The following ZNF749 variants were observed in gnomAD, a reference collection of about 807,000 sequenced individuals.
ZNF749 encodes the protein zinc finger protein 749.
A neutral mutation model predicts 7.3 loss-of-function variants in ZNF749; 8 were observed. The observed-to-expected ratio is 1.10, with a 90% CI of 0.64 to 1.98. The LOEUF (loss-of-function observed/expected upper bound fraction) is 1.98, where lower values mean the gene tolerates loss of function less well. ZNF749 is among the 30% of genes most tolerant of loss of function. The pLI, the probability that ZNF749 is intolerant of heterozygous loss-of-function variation, is 0.00. For missense variants in ZNF749, 898 were observed against 932.4 expected (o/e 0.96, Z 0.48); for synonymous variants, 310 against 322.4 (o/e 0.96, Z 0.41).
At position 57,445,165 on chromosome 19, in the gene ZNF749, T is replaced by C; in HGVS notation, c.2017T>C (p.Cys673Arg). 2 of 1,614,122 alleles carry C rather than the reference T, an allele frequency of 1.2e-6. No homozygotes were observed. The highest frequency in any genetic ancestry group is 1.7e-6 in the Non-Finnish European group (2 of 1,180,010). The change falls in exon 3 of 3, where the codon TGT (cysteine) becomes CGT (arginine). Residue 673 changes from cysteine to arginine, a missense_variant. Cys to Arg is a radical substitution (Grantham distance 180, BLOSUM62 -3). Transcript: ENST00000334181. The part of the protein sequence containing the change: ...TGEKPYECSN[C>R]GKFLRYRSTF... ...AGAAAAGCCTTATGAATGCAGCAACTGTGGGAAGTTTCTTAGATACCGCTC... is the reference window on the plus strand; with the variant it reads ...AGAAAAGCCTTATGAATGCAGCAACCGTGGGAAGTTTCTTAGATACCGCTC...
chr19:57,433,826 C>T (rs1211684805), upstream of ZNF749, among the ~76,000 whole-genome samples: 1 of 151,964 alleles, frequency 6.6e-6, no homozygotes, highest in Non-Finnish European at 1.5e-5. Context: ...GTATTGCCAC[C>T]ACCTGATGGC....
At chr19:57,432,949 A>G (rs527727489), upstream of ZNF749, among the ~76,000 whole-genome samples, 4 of 152,360 alleles carry the variant, frequency 2.6e-5, no homozygotes, top group East Asian at 7.7e-4. Flanking sequence ...CCAAATGAGA[A>G]CAAACATAGC....
At chr19:57,441,186 C>T (rs1357621502) in intron 1 of ZNF749, among the ~76,000 whole-genome samples, 1 of 150,662 alleles carries the variant, frequency 6.6e-6, no homozygotes, top group Non-Finnish European at 1.5e-5. Flanking sequence ...TTTGCTTTCT[C>T]CCCACCCATC....
the ZNF749 span, among the ~76,000 whole-genome samples, chr19:57,429,897 T>C: frequency 4.6e-5 from 7 of 152,366 alleles, no homozygotes; most frequent in Admixed American, 2.0e-4. The surrounding 1 kb of genome is among the most constrained non-coding windows in gnomAD (Gnocchi z 4.2). Context: ...CTTCTGTTTC[T>C]TTTAATTGTA....
At chr19:57,429,997 T>C in the ZNF749 span, among the ~76,000 whole-genome samples, 5 of 152,188 alleles carry the variant, frequency 3.3e-5, no homozygotes, top group Non-Finnish European at 5.9e-5. This position sits in a 1 kb window ranked among gnomAD's most constrained non-coding sequence, Gnocchi z 4.2. Flanking sequence ...TTTTGACCTA[T>C]AGTTTTATTG....
At position 57,442,772 on chromosome 19, in the gene ZNF749, A is replaced by G. The variant is rs1213297763; in HGVS notation, c.143-519A>G. On this transcript the variant is annotated intron_variant, in intron 2 of 2. Coordinates refer to ENST00000334181, the MANE Select transcript of ZNF749 (RefSeq NM_001023561.4). This position sits in a 1 kb window ranked among gnomAD's most constrained non-coding sequence, Gnocchi z 6.6. ...GATGCAGGGCCACTGGCCACTCGTC[A>G]CTCTTCCTTTCCTTCCCTGTTGTTA... 2.0e-5 allele frequency among the ~76,000 whole-genome samples: 3 copies of G among 150,936 alleles called. No individual in the cohort carries two copies. The highest frequency in any genetic ancestry group is 7.3e-5 in the African/African-American group (3 of 40,990).
At position 57,444,167 on chromosome 19, in the gene ZNF749, A is replaced by C; in HGVS notation, c.1019A>C (p.Lys340Thr). Residue 340 changes from lysine to threonine, a missense_variant, in exon 3 of 3, where the codon AAA (lysine) becomes ACA (threonine). By Grantham distance (78) the Lys-to-Thr change is moderately conservative. Coordinates refer to ENST00000334181, the MANE Select transcript of ZNF749 (RefSeq NM_001023561.4). The part of the protein sequence containing the change: ...KCGKFFMYNS[K>T]LIRHQKVHTG... The stretch of plus-strand genomic sequence containing the variant: ...GGGAAGTTTTTTATGTATAACTCCA[A>C]ACTCATCAGACATCAGAAAGTTCAC... 1 of 1,613,978 alleles carries C rather than the reference A, an allele frequency of 6.2e-7. No individual in the cohort carries two copies. The highest frequency in any genetic ancestry group is 8.5e-7 in the Non-Finnish European group (1 of 1,179,994).
Position 57,445,063 on chromosome 19 carries a change from C to T in ZNF749, c.1915C>T (p.Pro639Ser), listed in dbSNP as rs2089045981. 3.1e-6 allele frequency: 5 copies of T among 1,613,826 alleles called. No individual in the cohort carries two copies. The highest frequency in any genetic ancestry group is 2.2e-5 in the East Asian group (1 of 44,886). The change falls in exon 3 of 3, where the codon CCT (proline) becomes TCT (serine). Residue 639 changes from proline (P) to serine (S), a missense_variant. Coordinates refer to ENST00000334181, the MANE Select transcript of ZNF749 (RefSeq NM_001023561.4). ...RHQKVHTGER[P>S]YECSECGKFF... ...TCAGAAAGTTCACACTGGAGAAAGA[C>T]CTTATGAGTGTAGTGAATGTGGGAA...
chr19:57,440,898 C>T (rs369238193), intron 1 of ZNF749, among the ~76,000 whole-genome samples: 13 of 151,982 alleles, frequency 8.6e-5, no homozygotes, highest in East Asian at 7.7e-4. Context: ...GAGACCAAGG[C>T]AGGTGGATCA....
At position 57,441,914 on chromosome 19, in the gene ZNF749, A is replaced by G. The variant is rs764989257; in HGVS notation, c.45A>G (p.Ile15Met). ...GTATGGTCTTTGAGGATGTGGCCAT[A>G]TATTTCTCCCAAGAGGAATGGGGGA... ...EDCMVFEDVA[I>M]YFSQEEWGIL... Residue 15 changes from isoleucine (I) to methionine (M), a missense_variant, in exon 2 of 3, where the codon ATA becomes ATG. Ile to Met is a conservative substitution (Grantham distance 10). Coordinates refer to ENST00000334181, the MANE Select transcript of ZNF749 (RefSeq NM_001023561.4). The G allele has an allele frequency of 1.1e-5, 17 of 1,614,198 alleles. No individual in the cohort carries two copies. The highest frequency in any genetic ancestry group is 5.0e-5 in the Admixed American group (3 of 60,024).
Position 57,443,732 on chromosome 19 carries a change from A to G in ZNF749, c.584A>G (p.Asp195Gly), listed in dbSNP as rs200456309. The G allele has an allele frequency of 6.2e-7, 1 of 1,614,136 alleles. No individual in the cohort carries two copies. Among genetic ancestry groups the G allele is most frequent in the African/African-American group, 1.3e-5 (1 of 75,034 alleles). The change falls in exon 3 of 3, where the codon GAT (aspartate) becomes GGT (glycine). Residue 195 changes from aspartate (D) to glycine (G), a missense_variant. Coordinates refer to ENST00000334181, the MANE Select transcript of ZNF749 (RefSeq NM_001023561.4). ...GAAGCCTTTCAAGGTGAACAGAATG[A>G]TTTCAACTCCAGCCAAGGTGGGAAA... Reference protein sequence around the residue: ...DGEAFQGEQNDFNSSQGGKDF... With the variant: ...DGEAFQGEQNGFNSSQGGKDF...
intron 1 of ZNF749, 54 bp from the exon 2 acceptor site, chr19:57,441,831 A>G (rs962366587): frequency 6.2e-7 from 1 of 1,608,208 alleles, no homozygotes; most frequent in Non-Finnish European, 8.5e-7. Flanking sequence ...TACAGATCTA[A>G]GGAAACACAG....
rs1282543682 is a variant in ZNF749, at chr19:57,436,431, G to A, written c.15+838G>A. 6.6e-6 allele frequency among the ~76,000 whole-genome samples: 1 copy of A among 152,166 alleles called. No homozygotes were observed. Among genetic ancestry groups the A allele is most frequent in the Non-Finnish European group, 1.5e-5 (1 of 68,028 alleles). On this transcript the variant is annotated intron_variant, in intron 1 of 2. Transcript: ENST00000334181. This position sits in a 1 kb window ranked among gnomAD's most constrained non-coding sequence, Gnocchi z 4.0. ...GGTAGGGGAGGGCTCAGATTTGGAG[G>A]AAAGACCATGGTAGGGAGGGCATCT...
rs149500032 is a variant in ZNF749, at chr19:57,442,317, G to A, written c.142+306G>A. ...CCTGGTTTGATTACTCTGTCCAAAT[G>A]TGTGAAACCTCTGTCCAAGGGTTTC... On this transcript the variant is annotated intron_variant, in intron 2 of 2. Transcript: ENST00000334181. This position sits in a 1 kb window ranked among gnomAD's most constrained non-coding sequence, Gnocchi z 6.6. 1.8e-3 allele frequency among the ~76,000 whole-genome samples: 281 copies of A among 152,292 alleles called. 1 individual carries two copies. The highest frequency in any genetic ancestry group is 6.3e-3 in the African/African-American group (263 of 41,562).
At chr19:57,431,672 A>G (rs941314953), upstream of ZNF749, among the ~76,000 whole-genome samples, 1 of 152,164 alleles carries the variant, frequency 6.6e-6, no homozygotes. Context: ...AAGAAAAAAA[A>G]AAAAGAAAAA....
chr19:57,434,081 T>C (rs1287990763), upstream of ZNF749, among the ~76,000 whole-genome samples: 6 of 152,120 alleles, frequency 3.9e-5, no homozygotes, highest in Non-Finnish European at 1.5e-5. Context: ...GATATAACCT[T>C]GGTCTTCACA....
At position 57,442,874 on chromosome 19, in the gene ZNF749, TC is replaced by T. The variant is rs1323986705; in HGVS notation, c.143-415del. 6.6e-6 allele frequency among the ~76,000 whole-genome samples: 1 copy of T among 152,134 alleles called. No individual in the cohort carries two copies. Among genetic ancestry groups the T allele is most frequent in the East Asian group, 1.9e-4 (1 of 5,184 alleles). On this transcript the variant is annotated intron_variant, in intron 2 of 2. Transcript: ENST00000334181. This position sits in a 1 kb window ranked among gnomAD's most constrained non-coding sequence, Gnocchi z 6.6. Reference sequence around the variant, plus strand: ...AGCCTTCATCTCTCCACCATTCTCTTCCACCTCTCCCTTTGCAGTGCTGTCT... The same window carrying T: ...AGCCTTCATCTCTCCACCATTCTCTTCACCTCTCCCTTTGCAGTGCTGTCT...
chr19:57,443,749 G>A lies in ZNF749; in HGVS notation c.601G>A (p.Gly201Ser), dbSNP rs1402053017. The A allele has an allele frequency of 6.2e-6, 10 of 1,614,142 alleles. No homozygotes were observed. The highest frequency in any genetic ancestry group is 1.3e-5 in the African/African-American group (1 of 75,036). ...ACAGAATGATTTCAACTCCAGCCAA[G>A]GTGGGAAAGACTTTTGCCACCAACA... is the stretch of plus-strand genomic sequence containing the variant. ...GEQNDFNSSQGGKDFCHQHGL... is the reference protein window; with the variant it reads ...GEQNDFNSSQSGKDFCHQHGL... Residue 201 changes from glycine to serine, a missense_variant, in exon 3 of 3, where the codon GGT (glycine) becomes AGT (serine). Coordinates refer to ENST00000334181, the MANE Select transcript of ZNF749 (RefSeq NM_001023561.4).
chr19:57,435,705 T>G (rs893583954), intron 1 of ZNF749, 112 bp downstream of exon 1: 2 of 1,494,660 alleles, frequency 1.3e-6, no homozygotes, highest in Non-Finnish European at 1.8e-6. Flanking sequence ...GGCGTTCTTG[T>G]GTGGGGTGCC....
Sources: allele counts gnomAD v4.1 joint callset (sites outside exome capture counted in the v4.1 genomes callset), GRCh38; gene constraint gnomAD v4.1.1; non-coding constraint Gnocchi (gnomAD v3.1); transcripts MANE v1.5; gene names NCBI Gene and HGNC (gene_info 2026-07-23, HGNC 2026-07-21).